Variants in MAP3K1 observed in about 807,000 individuals in gnomAD.
The protein encoded by MAP3K1 is mitogen-activated protein kinase kinase kinase 1.
In MAP3K1, 36 loss-of-function variants were observed where a neutral mutation model predicts 144.2. That is an observed-to-expected ratio of 0.25 (90% confidence interval 0.19 to 0.33). The LOEUF (loss-of-function observed/expected upper bound fraction) is 0.33. Ranked by LOEUF, MAP3K1 falls within the 10% of genes least tolerant of loss-of-function variation. MAP3K1 has a pLI of 1.00. For missense variants in MAP3K1, 1,650 were observed against 1,881.9 expected (o/e 0.88, Z 2.28); for synonymous variants, 718 against 688.7 (o/e 1.04, Z -0.67).
rs1748631805 is a variant in MAP3K1 at position 56,894,106 on chromosome 5, T to C, written c.*426T>C. ...TCTGCAATTCCGTTCAAATTTTTTG[T>C]CACTGGCTATAAAATCAGTATCTGC... On this transcript the variant is annotated 3_prime_UTR_variant, in exon 20 of 20. Coordinates refer to ENST00000399503, the MANE Select transcript of MAP3K1 (RefSeq NM_005921.2). 1.3e-5 allele frequency: 4 copies of C among 319,700 alleles called. No homozygotes were observed. Among genetic ancestry groups the C allele is most frequent in the Non-Finnish European group, 2.4e-5 (4 of 169,874 alleles). 19.8% of individuals were successfully genotyped at this position (319,700 alleles called of 1,614,324 possible). A position where few individuals can be genotyped will look rare whatever the true frequency, so the allele number is the denominator to read the frequency against.
At chr5:56,826,403 T>A (rs1746316498) in intron 1 of MAP3K1, among the ~76,000 whole-genome samples, 1 of 152,236 alleles carries the variant, frequency 6.6e-6, no homozygotes, top group Admixed American at 6.5e-5. Context: ...ACGACAGTGT[T>A]CACAAAGAGA....
At chr5:56,829,287 A>G (rs143609927) in intron 1 of MAP3K1, among the ~76,000 whole-genome samples, 49 of 150,288 alleles carry the variant, frequency 3.3e-4, no homozygotes, top group African/African-American at 1.1e-3. Context: ...GGCTCAGTGT[A>G]TCCTTTCACT....
At chr5:56,829,854 A>G (rs1746434435) in intron 1 of MAP3K1, among the ~76,000 whole-genome samples, 1 of 152,200 alleles carries the variant, frequency 6.6e-6, no homozygotes, top group African/African-American at 2.4e-5. Context: ...TGCACAATGC[A>G]AACTGAAATC....
At chr5:56,844,482 G>T (rs1746930802) in intron 1 of MAP3K1, among the ~76,000 whole-genome samples, 1 of 151,934 alleles carries the variant, frequency 6.6e-6, no homozygotes, top group Non-Finnish European at 1.5e-5. Flanking sequence ...CCCGGCCTAG[G>T]ATATTATTTT....
chr5:56,824,947 AT>A (rs1037419895), intron 1 of MAP3K1, among the ~76,000 whole-genome samples: 63 of 146,668 alleles, frequency 4.3e-4, no homozygotes, highest in South Asian at 2.2e-3. Flanking sequence ...AAAAATTTTT[AT>A]TTTTTTTTTT....
chr5:56,883,784 T>A, intron 15 of MAP3K1, 105 bp downstream of exon 15: 1 of 1,200,352 alleles, frequency 8.3e-7, no homozygotes, highest in Non-Finnish European at 1.2e-6. Context: ...CTTTAGTTCT[T>A]TAAACTTTGA....
intron 17 of MAP3K1, among the ~76,000 whole-genome samples, chr5:56,886,318 T>C (rs1410550580): frequency 6.6e-6 from 1 of 152,094 alleles, no homozygotes; most frequent in Admixed American, 6.6e-5. Flanking sequence ...ACAGGAGAAT[T>C]GCTTGAACCC....
In MAP3K1 at chr5:56,882,602, CCTT is replaced by C. The variant is rs1238979256; in HGVS notation, c.3406_3408del (p.Leu1136del). 6.2e-7 allele frequency: 1 copy of C among 1,614,118 alleles called. No homozygotes were observed. The highest frequency in any genetic ancestry group is 8.5e-7 in the Non-Finnish European group (1 of 1,180,010). ...CAGAGCTCAACTCCAGTATTGAGGA[CCTT>C]CTTGAAGCATCTATGCCTTCAAGTG... is the stretch of plus-strand genomic sequence containing the variant. On this transcript the variant is annotated inframe_deletion, in exon 14 of 20. Transcript: ENST00000399503.
chr5:56,852,909 A>C (rs1747218993), intron 1 of MAP3K1, among the ~76,000 whole-genome samples: 1 of 152,088 alleles, frequency 6.6e-6, no homozygotes, highest in African/African-American at 2.4e-5. Flanking sequence ...ACATACATAC[A>C]CACACACACT....
intron 1 of MAP3K1, among the ~76,000 whole-genome samples, chr5:56,819,619 A>G (rs1321287007): frequency 4.0e-5 from 6 of 151,894 alleles, no homozygotes; most frequent in Non-Finnish European, 8.8e-5. Context: ...CCTCTTTTGC[A>G]TTTTGTACTC....
In MAP3K1 at chr5:56,882,175, C is replaced by G. The variant is rs775205606; in HGVS notation, c.2975C>G (p.Ser992Cys). ...ALSTPSSSTP[S>C]VPAGTATDVS... ...TCAACCCCTTCTTCTTCTACCCCAT[C>G]TGTACCAGCTGGCACTGCAACAGAT... Residue 992 changes from serine to cysteine, a missense_variant, in exon 14 of 20, where the codon TCT becomes TGT. Ser to Cys is a moderately radical substitution (Grantham distance 112). Around this residue, in one of 6 missense-constraint regions of MAP3K1, gnomAD observed 841 missense variants for 886.5 expected, o/e 0.95. Coordinates refer to ENST00000399503, the MANE Select transcript of MAP3K1 (RefSeq NM_005921.2). The G allele has an allele frequency of 1.9e-6, 3 of 1,614,054 alleles. No homozygotes were observed. Among genetic ancestry groups the G allele is most frequent in the Non-Finnish European group, 2.5e-6 (3 of 1,180,024 alleles).
At chr5:56,887,869 C>T (rs1748431610) in intron 18 of MAP3K1, 5 of 432,846 alleles carry the variant, frequency 1.2e-5, no homozygotes. Flanking sequence ...AGAGGCAGCT[C>T]CTGTCTGTAG....
At chr5:56,866,421 G>T (rs568720852) in intron 6 of MAP3K1, among the ~76,000 whole-genome samples, 1 of 149,416 alleles carries the variant, frequency 6.7e-6, no homozygotes, top group South Asian at 2.1e-4. Context: ...GTGGGTGTGT[G>T]TATGTATGTA....
intron 1 of MAP3K1, among the ~76,000 whole-genome samples, chr5:56,849,209 G>A (rs1330343981): frequency 6.6e-6 from 1 of 152,134 alleles, no homozygotes; most frequent in Non-Finnish European, 1.5e-5. Flanking sequence ...AATGAGTCAG[G>A]TATGGTGGCT....
intron 1 of MAP3K1, among the ~76,000 whole-genome samples, chr5:56,819,052 G>GT (rs1051984751): frequency 2.4e-4 from 36 of 152,298 alleles, no homozygotes; most frequent in African/African-American, 8.4e-4. Flanking sequence ...CCGTGAATTT[G>GT]TAAGTTTTTA....
At chr5:56,889,901 A>C (rs1013683724) in intron 19 of MAP3K1, among the ~76,000 whole-genome samples, 14 of 151,424 alleles carry the variant, frequency 9.2e-5, no homozygotes, top group African/African-American at 3.4e-4. Context: ...CTCCTCAGTC[A>C]CCTCTCTGAC....
chr5:56,821,849 C>T (rs1309696093), intron 1 of MAP3K1, among the ~76,000 whole-genome samples: 1 of 152,164 alleles, frequency 6.6e-6, no homozygotes, highest in Non-Finnish European at 1.5e-5. Flanking sequence ...GTCTGGCACC[C>T]ATGAATATTA....
rs1434375288 is a variant in MAP3K1 at position 56,865,023 on chromosome 5, CAATT to C, written c.1035+94_1035+97del. 5.8e-4 allele frequency: 690 copies of C among 1,196,788 alleles called. 3 individuals carry two copies. The highest frequency in any genetic ancestry group is 2.5e-4 in the Non-Finnish European group (206 of 821,342). The allele number at this position is 1,196,788 out of a possible 1,614,324, so 74.1% of individuals were successfully genotyped here. ...TACTATAATGTTCTTAAATTTAGAT[CAATT>C]AATTCCCTATAGTAAACAAAGTTAA... On this transcript the variant is annotated intron_variant, in intron 4 of 19. Coordinates refer to ENST00000399503, the MANE Select transcript of MAP3K1 (RefSeq NM_005921.2).
intron 19 of MAP3K1, among the ~76,000 whole-genome samples, chr5:56,889,039 T>C (rs1467600405): frequency 6.6e-6 from 1 of 152,226 alleles, no homozygotes; most frequent in Non-Finnish European, 1.5e-5. Context: ...AGAAGAAATA[T>C]GTAGTGTGTT....
Sources: allele counts gnomAD v4.1 joint callset (sites outside exome capture counted in the v4.1 genomes callset), GRCh38; gene constraint gnomAD v4.1.1; regional missense constraint gnomAD v4.1.1; transcripts MANE v1.5; gene names NCBI Gene and HGNC (gene_info 2026-07-23, HGNC 2026-07-21).